Variants in GRM3 observed in about 807,000 individuals in gnomAD.
GRM3 encodes metabotropic glutamate receptor 3.
Under a neutral mutation model 70.5 loss-of-function variants are expected in GRM3, and 26 were observed. The observed-to-expected ratio is 0.37, with a 90% CI of 0.27 to 0.51. The LOEUF (loss-of-function observed/expected upper bound fraction) is 0.51, where lower values mean the gene tolerates loss of function less well. Among genes scored for constraint, GRM3 ranks in the 20% least tolerant of loss-of-function variants. The pLI, the probability that GRM3 is intolerant of heterozygous loss-of-function variation, is 0.93. For missense variants in GRM3, 859 were observed against 1,123.8 expected (o/e 0.76, Z 3.37); for synonymous variants, 443 against 434.9 (o/e 1.02, Z -0.23).
At chr7:86,686,573 C>T (rs1384743996) in intron 1 of GRM3, among the ~76,000 whole-genome samples, 1 of 152,122 alleles carries the variant, frequency 6.6e-6, no homozygotes, top group African/African-American at 2.4e-5. Flanking sequence ...GTCTATAAAG[C>T]CTCACTCAAG....
At chr7:86,699,378 T>C (rs1330918290) in intron 1 of GRM3, among the ~76,000 whole-genome samples, 1 of 152,054 alleles carries the variant, frequency 6.6e-6, no homozygotes, top group Non-Finnish European at 1.5e-5. Context: ...TTTATTGTGG[T>C]AGTTAAATAA....
chr7:86,683,204 C>G (rs1794483496), intron 1 of GRM3, among the ~76,000 whole-genome samples: 1 of 152,062 alleles, frequency 6.6e-6, no homozygotes, highest in Non-Finnish European at 1.5e-5. Context: ...AACTTCATGA[C>G]TGAGTAGATG....
intron 1 of GRM3, among the ~76,000 whole-genome samples, chr7:86,721,339 G>C (rs1382782976): frequency 1.3e-5 from 2 of 151,974 alleles, no homozygotes; most frequent in Non-Finnish European, 2.9e-5. Context: ...TACCAAGTAA[G>C]AGAAAAAGCA....
At chr7:86,722,759 T>A (rs1795501518) in intron 1 of GRM3, among the ~76,000 whole-genome samples, 3 of 151,604 alleles carry the variant, frequency 2.0e-5, no homozygotes, top group Admixed American at 6.6e-5. Context: ...ATAAAAAAAA[T>A]CCACATATAA....
chr7:86,666,693 T>C (rs974564660), intron 1 of GRM3, among the ~76,000 whole-genome samples: 3 of 151,978 alleles, frequency 2.0e-5, no homozygotes, highest in Admixed American at 6.6e-5. Flanking sequence ...AATGAGAAAA[T>C]TGACTTGTTT....
chr7:86,693,702 C>T (rs574189906), intron 1 of GRM3, among the ~76,000 whole-genome samples: 31 of 152,024 alleles, frequency 2.0e-4, no homozygotes, highest in Middle Eastern at 6.8e-3. Flanking sequence ...CAGGTTATCT[C>T]GAAAAGAAAG....
chr7:86,681,660 G>A (rs539022037), intron 1 of GRM3, among the ~76,000 whole-genome samples: 5 of 152,008 alleles, frequency 3.3e-5, no homozygotes, highest in South Asian at 2.1e-4. Context: ...ATAGTATAAC[G>A]TCTCTGGTAT....
At chr7:86,757,579 T>C (rs1036168595) in intron 1 of GRM3, among the ~76,000 whole-genome samples, 6 of 152,304 alleles carry the variant, frequency 3.9e-5, no homozygotes, top group African/African-American at 1.4e-4. Flanking sequence ...TCTCACCCTG[T>C]GGATGACCAC....
chr7:86,772,514 T>A (rs769991611), intron 2 of GRM3, among the ~76,000 whole-genome samples: 1 of 152,082 alleles, frequency 6.6e-6, no homozygotes, highest in Non-Finnish European at 1.5e-5. Context: ...CTCTAGGGGT[T>A]CCATTCCAAT....
chr7:86,729,403 A>G (rs1357197422), intron 1 of GRM3, among the ~76,000 whole-genome samples: 1 of 152,234 alleles, frequency 6.6e-6, no homozygotes, highest in Non-Finnish European at 1.5e-5. Flanking sequence ...ATTGTGTTAC[A>G]TGTTATTCAG....
chr7:86,673,799 C>T (rs763708105), intron 1 of GRM3, among the ~76,000 whole-genome samples: 1 of 152,062 alleles, frequency 6.6e-6, no homozygotes, highest in Non-Finnish European at 1.5e-5. Flanking sequence ...CCTGGTTGCC[C>T]AAGCCAGAAA....
chr7:86,799,970 C>T (rs1207552298), intron 3 of GRM3, among the ~76,000 whole-genome samples: 1 of 152,038 alleles, frequency 6.6e-6, no homozygotes, highest in Non-Finnish European at 1.5e-5. Flanking sequence ...GGCTTGCATG[C>T]CAGAAGATTA....
At chr7:86,792,404 T>C (rs967700192) in intron 3 of GRM3, among the ~76,000 whole-genome samples, 2 of 152,186 alleles carry the variant, frequency 1.3e-5, no homozygotes, top group Non-Finnish European at 2.9e-5. Context: ...TTGCTAAGCA[T>C]AACTGCCAGA....
intron 1 of GRM3, among the ~76,000 whole-genome samples, chr7:86,677,034 C>T (rs1425055534): frequency 1.3e-5 from 2 of 151,974 alleles, no homozygotes; most frequent in African/African-American, 2.4e-5. Context: ...TTAACTGAGG[C>T]ATATCATGTA....
At chr7:86,689,052 T>C (rs1236875177) in intron 1 of GRM3, among the ~76,000 whole-genome samples, 1 of 150,534 alleles carries the variant, frequency 6.6e-6, no homozygotes, top group African/African-American at 2.4e-5. Flanking sequence ...TCATTGCCAT[T>C]ATCCTCATCC....
chr7:86,698,612 A>T (rs1794884269), intron 1 of GRM3, among the ~76,000 whole-genome samples: 1 of 150,156 alleles, frequency 6.7e-6, no homozygotes, highest in African/African-American at 2.4e-5. Flanking sequence ...TAAACACTAT[A>T]AAAGCTTGGA....
chr7:86,777,983 T>C (rs1477694837), intron 2 of GRM3, among the ~76,000 whole-genome samples: 2 of 152,192 alleles, frequency 1.3e-5, no homozygotes, highest in Non-Finnish European at 2.9e-5. Flanking sequence ...AGCAACTCAA[T>C]GGTTCTCTTC....
intron 2 of GRM3, among the ~76,000 whole-genome samples, chr7:86,767,207 C>T (rs1796619770): frequency 6.7e-6 from 1 of 149,828 alleles, no homozygotes; most frequent in South Asian, 2.1e-4. Flanking sequence ...AGCAAGACTT[C>T]ATCTCAAAAA....
intron 3 of GRM3, among the ~76,000 whole-genome samples, chr7:86,804,543 G>A (rs904057405): frequency 1.3e-5 from 2 of 152,124 alleles, no homozygotes; most frequent in Non-Finnish European, 2.9e-5. Context: ...CTGAGTAGCT[G>A]GGATCACAGC....
Sources: gnomAD v4.1 joint callset for allele counts (sites outside exome capture counted in the v4.1 genomes callset) on GRCh38, gnomAD v4.1.1 for gene constraint, MANE v1.5 for transcripts, NCBI Gene and HGNC (gene_info 2026-07-23, HGNC 2026-07-21) for gene names.